KHDRBS2: variants seen among roughly 807,000 people sequenced by gnomAD.
The protein encoded by KHDRBS2 is KH RNA binding domain containing, signal transduction associated 2, also known as KH domain-containing, RNA-binding, signal transduction-associated protein 2.
Under a neutral mutation model 44.3 loss-of-function variants are expected in KHDRBS2, and 26 were observed. That is an observed-to-expected ratio of 0.59 (90% confidence interval 0.43 to 0.81). The LOEUF (loss-of-function observed/expected upper bound fraction) is 0.81. Ranked by LOEUF, KHDRBS2 falls within the 40% of genes least tolerant of loss-of-function variation. KHDRBS2 has a pLI of 0.00. For missense variants in KHDRBS2, 476 were observed against 433.1 expected (o/e 1.10, Z -0.88); for synonymous variants, 194 against 151.1 (o/e 1.28, Z -2.08).
At chr6:62,060,633 C>CTATATATA (rs57458009) in intron 2 of KHDRBS2, among the ~76,000 whole-genome samples, 16 of 144,868 alleles carry the variant, frequency 1.1e-4, no homozygotes, top group African/African-American at 3.3e-4. Flanking sequence ...CTCTCTCTCT[C>CTATATATA]TATATATATA....
chr6:61,647,158 T>G, the KHDRBS2 span, among the ~76,000 whole-genome samples: 3 of 152,266 alleles, frequency 2.0e-5, no homozygotes, highest in South Asian at 6.2e-4. Flanking sequence ...ATCTTTATCG[T>G]CTTTACAACC....
chr6:62,035,617 T>G (rs1002023712), intron 3 of KHDRBS2, among the ~76,000 whole-genome samples: 5 of 152,028 alleles, frequency 3.3e-5, no homozygotes, highest in African/African-American at 1.2e-4. Context: ...AATAAACTAA[T>G]TGTACATTTA....
At chr6:61,827,243 G>A (rs1791026481) in intron 6 of KHDRBS2, among the ~76,000 whole-genome samples, 3 of 152,158 alleles carry the variant, frequency 2.0e-5, no homozygotes, top group Non-Finnish European at 1.5e-5. Context: ...TGCTCAAAAT[G>A]CACAAAGTCC....
At chr6:62,125,532 C>T (rs1425380672) in intron 2 of KHDRBS2, among the ~76,000 whole-genome samples, 2 of 152,184 alleles carry the variant, frequency 1.3e-5, no homozygotes, top group African/African-American at 4.8e-5. Context: ...CAAGGTAGTG[C>T]TTGCACCACC....
chr6:61,800,113 T>C lies in KHDRBS2; in HGVS notation c.811-67349A>G, dbSNP rs527858011. On this transcript the variant is annotated intron_variant, in intron 6 of 8. Coordinates refer to ENST00000281156, the MANE Select transcript of KHDRBS2 (RefSeq NM_152688.4). ...TAATTCTGAATTGTAATACCACCACTTGGACTTGTTCTAGTGTCTAGGAGT... is the reference window on the plus strand; with the variant it reads ...TAATTCTGAATTGTAATACCACCACCTGGACTTGTTCTAGTGTCTAGGAGT... 9.9e-5 allele frequency among the ~76,000 whole-genome samples: 15 copies of C among 152,256 alleles called. 1 individual carries two copies. The highest frequency in any genetic ancestry group is 3.4e-4 in the African/African-American group (14 of 41,578).
intron 1 of KHDRBS2, among the ~76,000 whole-genome samples, chr6:62,201,522 G>A (rs1468827631): frequency 3.9e-5 from 6 of 151,996 alleles, no homozygotes; most frequent in Non-Finnish European, 8.8e-5. Context: ...GAAAATACAC[G>A]CTTCTAACAA....
intron 6 of KHDRBS2, among the ~76,000 whole-genome samples, chr6:61,859,600 TAA>T (rs998211587): frequency 8.6e-5 from 13 of 152,034 alleles, no homozygotes; most frequent in African/African-American, 3.1e-4. Flanking sequence ...CTGGGAGATA[TAA>T]GTGTGTATAC....
chr6:61,544,287 C>T, the KHDRBS2 span, among the ~76,000 whole-genome samples: 1 of 151,710 alleles, frequency 6.6e-6, no homozygotes, highest in Admixed American at 6.6e-5. Flanking sequence ...TTATTCTTAC[C>T]AAATTAACTA....
chr6:62,108,539 C>T (rs1278349205), intron 2 of KHDRBS2, among the ~76,000 whole-genome samples: 5 of 152,050 alleles, frequency 3.3e-5, no homozygotes, highest in African/African-American at 9.7e-5. Flanking sequence ...GTCAGTGTGG[C>T]GATTCCTCAG....
the KHDRBS2 span, among the ~76,000 whole-genome samples, chr6:61,570,723 C>T: frequency 6.6e-6 from 1 of 152,170 alleles, no homozygotes; most frequent in Admixed American, 6.6e-5. Flanking sequence ...GCAGATTTCT[C>T]TGCAGAAACT....
chr6:62,233,438 A>T (rs571018980), intron 1 of KHDRBS2, among the ~76,000 whole-genome samples: 85 of 152,256 alleles, frequency 5.6e-4, no homozygotes, highest in African/African-American at 1.8e-3. Context: ...TTTAAAGGAG[A>T]TTTAATCTAA....
chr6:62,284,253 C>T (rs1330393274), intron 1 of KHDRBS2, among the ~76,000 whole-genome samples: 1 of 152,042 alleles, frequency 6.6e-6, no homozygotes, highest in South Asian at 2.1e-4. Flanking sequence ...AATCTTTGAG[C>T]CACTTGTCTC....
At chr6:61,565,704 G>T in the KHDRBS2 span, among the ~76,000 whole-genome samples, 8 of 152,036 alleles carry the variant, frequency 5.3e-5, no homozygotes, top group African/African-American at 1.7e-4. Flanking sequence ...GTACCCTGTT[G>T]GTGGGAATGT....
intron 1 of KHDRBS2, among the ~76,000 whole-genome samples, chr6:62,267,261 C>G (rs557941252): frequency 6.6e-6 from 1 of 152,164 alleles, no homozygotes; most frequent in South Asian, 2.1e-4. Context: ...CACAGGAAAA[C>G]AAGGAAATTC....
At chr6:61,616,799 C>T in the KHDRBS2 span, among the ~76,000 whole-genome samples, 1 of 152,026 alleles carries the variant, frequency 6.6e-6, no homozygotes, top group Non-Finnish European at 1.5e-5. Context: ...GTAATAGACC[C>T]AGCTCCCCGA....
At position 61,935,076 on chromosome 6, in the gene KHDRBS2, G is replaced by A. The variant is rs192653492; in HGVS notation, c.484-33705C>T. Among the ~76,000 whole-genome samples, 17 of 152,256 alleles carry A rather than the reference G, an allele frequency of 1.1e-4. No individual in the cohort carries two copies. In the East Asian group the frequency reaches 3.3e-3, roughly 29 times the overall value. ...GAAGAAGAATTGTGGATGAAGGGGA[G>A]TCAAACTTGTATGAACCCTCTTTCT... On this transcript the variant is annotated intron_variant, in intron 4 of 8. Coordinates refer to ENST00000281156, the MANE Select transcript of KHDRBS2 (RefSeq NM_152688.4).
chr6:61,803,942 G>C (rs1786707976), intron 6 of KHDRBS2, among the ~76,000 whole-genome samples: 1 of 152,076 alleles, frequency 6.6e-6, no homozygotes, highest in African/African-American at 2.4e-5. Flanking sequence ...GATGAGATTT[G>C]AGTGGGTACA....
intron 1 of KHDRBS2, among the ~76,000 whole-genome samples, chr6:62,245,893 T>G (rs1293787271): frequency 6.6e-6 from 1 of 151,704 alleles, no homozygotes; most frequent in Admixed American, 6.6e-5. Flanking sequence ...TCATATTGTA[T>G]CTGCAGAGGT....
At chr6:62,116,319 C>T (rs754833480) in intron 2 of KHDRBS2, among the ~76,000 whole-genome samples, 1 of 152,110 alleles carries the variant, frequency 6.6e-6, no homozygotes, top group Non-Finnish European at 1.5e-5. Flanking sequence ...CTAACTGCAA[C>T]TTGGTCCTCT....
Sources: allele counts gnomAD v4.1 joint callset (sites outside exome capture counted in the v4.1 genomes callset), GRCh38; gene constraint gnomAD v4.1.1; transcripts MANE v1.5; gene names NCBI Gene and HGNC (gene_info 2026-07-23, HGNC 2026-07-21).